FILIP1: variants seen among roughly 807,000 people sequenced by gnomAD.
FILIP1 encodes the protein filamin-A-interacting protein 1.
FILIP1 carries 61 observed loss-of-function variants against 102.1 expected under a neutral mutation model. The ratio of observed to expected loss-of-function variants is 0.60; its 90% confidence interval spans 0.49 to 0.74. The LOEUF is 0.74. FILIP1 is among the 30% of genes least tolerant of loss of function. The probability of loss-of-function intolerance (pLI) is 0.00; values close to 1 mark genes in which losing one functional copy is unlikely to be tolerated. For missense variants in FILIP1, 1,314 were observed against 1,441.2 expected, an observed-to-expected ratio of 0.91 and a Z score of 1.43; for synonymous variants, 491 against 526.9, an observed-to-expected ratio of 0.93 and a Z score of 0.93.
At chr6:75,343,192 A>T (rs1356670251) in intron 4 of FILIP1, among the ~76,000 whole-genome samples, 4 of 152,240 alleles carry the variant, frequency 2.6e-5, no homozygotes, top group Admixed American at 2.0e-4. Flanking sequence ...GAAGCCAGCC[A>T]TCTACAAGGC....
chr6:75,489,030 A>AT (rs535933995), intron 1 of FILIP1, among the ~76,000 whole-genome samples: 1 of 152,138 alleles, frequency 6.6e-6, no homozygotes, highest in Non-Finnish European at 1.5e-5. Context: ...AAAACAAATC[A>AT]TCTAAGGAGA....
rs368583947 is a variant in FILIP1 at position 75,357,150 on chromosome 6, TC to T, written c.451-3434del. ...ATGTGTGCAGCCCAGCCCTTTCATT[TC>T]TTATTTTTTACTCTGCCTGTCATAC... On this transcript the variant is annotated intron_variant, in intron 3 of 5. Transcript: ENST00000237172. 5.3e-5 allele frequency: 8 copies of T among 152,340 alleles called. No homozygotes were observed. In the East Asian group the frequency reaches 1.3e-3, roughly 26 times the overall value. 9.4% of individuals were successfully genotyped at this position (152,340 alleles called of 1,614,324 possible). A position where few individuals can be genotyped will look rare whatever the true frequency, so the allele number is the denominator to read the frequency against.
Position 75,314,504 on chromosome 6 carries a change from C to T in FILIP1, c.1328G>A (p.Ser443Asn), listed in dbSNP as rs41269319. Reference sequence around the variant, plus strand: ...CTGGGTGCACTCAGATTTACTCTTGCTAAATGCTTCTTCCAATTTCTCTAG... The same window carrying T: ...CTGGGTGCACTCAGATTTACTCTTGTTAAATGCTTCTTCCAATTTCTCTAG... ...SELEKLEEAF[S>N]KSKSECTQLH... is the part of the protein sequence containing the mutation. Residue 443 changes from serine (S) to asparagine (N), a missense_variant, in exon 5 of 6, where the codon AGC (serine) becomes AAC (asparagine). Ser to Asn is a conservative substitution (Grantham distance 46, BLOSUM62 1). This residue lies in a region of FILIP1 where 4 missense variants were observed against 16.9 expected (regional missense o/e 0.24). Coordinates refer to ENST00000237172, the MANE Select transcript of FILIP1 (RefSeq NM_015687.5). 2,176 of 1,611,524 alleles carry T rather than the reference C, an allele frequency of 1.4e-3. 4 individuals are homozygous for T. Among genetic ancestry groups the T allele is most frequent in the Middle Eastern group, 0.011 (69 of 6,046 alleles).
chr6:75,394,112 T>G (rs1776375564), intron 2 of FILIP1, among the ~76,000 whole-genome samples: 1 of 152,220 alleles, frequency 6.6e-6, no homozygotes, highest in African/African-American at 2.4e-5. Flanking sequence ...TTACCATCTC[T>G]GGTTACTTCA....
intron 1 of FILIP1, among the ~76,000 whole-genome samples, chr6:75,424,845 C>T (rs1415525638): frequency 6.6e-6 from 1 of 152,096 alleles, no homozygotes; most frequent in East Asian, 1.9e-4. Context: ...CACAGATCAC[C>T]CCATCTGTGT....
At chr6:75,348,486 T>C (rs1262854057) in intron 4 of FILIP1, among the ~76,000 whole-genome samples, 8 of 152,258 alleles carry the variant, frequency 5.3e-5, no homozygotes, top group Non-Finnish European at 1.5e-5. Context: ...CAATCAATGA[T>C]GGTAACAAAT....
intron 2 of FILIP1, among the ~76,000 whole-genome samples, chr6:75,380,533 A>T (rs910219009): frequency 2.0e-5 from 3 of 152,190 alleles, no homozygotes; most frequent in African/African-American, 7.2e-5. Context: ...TGTTGGGAAG[A>T]CATATGACTC....
intron 1 of FILIP1, among the ~76,000 whole-genome samples, chr6:75,437,161 C>A (rs138998218): frequency 2.9e-4 from 44 of 152,276 alleles, no homozygotes; most frequent in African/African-American, 1.0e-3. Context: ...ATTTGCTGTG[C>A]CCGATAAGGA....
intron 1 of FILIP1, among the ~76,000 whole-genome samples, chr6:75,482,518 T>C (rs1268426762): frequency 6.6e-6 from 1 of 152,192 alleles, no homozygotes; most frequent in Non-Finnish European, 1.5e-5. Flanking sequence ...TTGTCAATAG[T>C]TATGTCTATG....
At chr6:75,293,855 C>T (rs923156962) in exon 7 of FILIP1, 7 of 152,060 alleles carry the variant, frequency 4.6e-5, no homozygotes, top group African/African-American at 1.2e-4. Flanking sequence ...AAAAATATAA[C>T]AGTACTAACT....
At chr6:75,482,663 C>T (rs1779677736) in intron 1 of FILIP1, among the ~76,000 whole-genome samples, 2 of 152,164 alleles carry the variant, frequency 1.3e-5, no homozygotes, top group Non-Finnish European at 2.9e-5. Context: ...ACATTTAAAA[C>T]ATTTGTTTAT....
At chr6:75,430,839 T>A (rs75220250) in intron 1 of FILIP1, among the ~76,000 whole-genome samples, 3 of 152,216 alleles carry the variant, frequency 2.0e-5, no homozygotes, top group Non-Finnish European at 2.9e-5. Context: ...TCCCAGCAGA[T>A]GGTACTCCTG....
chr6:75,419,644 T>C (rs1582476753), intron 1 of FILIP1, among the ~76,000 whole-genome samples: 1 of 152,182 alleles, frequency 6.6e-6, no homozygotes, highest in East Asian at 1.9e-4. Flanking sequence ...CTCTTACACA[T>C]AAATGACAAT....
At chr6:75,345,758 C>T (rs1774559818) in intron 4 of FILIP1, among the ~76,000 whole-genome samples, 1 of 152,194 alleles carries the variant, frequency 6.6e-6, no homozygotes, top group Admixed American at 6.5e-5. Flanking sequence ...AGAGAGACAG[C>T]TGCTCTCCTC....
intron 1 of FILIP1, among the ~76,000 whole-genome samples, chr6:75,461,073 G>A (rs1329690693): frequency 1.3e-5 from 2 of 152,078 alleles, no homozygotes; most frequent in Non-Finnish European, 2.9e-5. Flanking sequence ...TATCAAATCT[G>A]ATTTGAAGGA....
intron 2 of FILIP1, among the ~76,000 whole-genome samples, chr6:75,378,059 A>G (rs2149636705): frequency 6.6e-6 from 1 of 152,324 alleles, no homozygotes; most frequent in East Asian, 1.9e-4. Flanking sequence ...GTCTTTCTTT[A>G]CATTATTTTC....
At chr6:75,476,618 C>G (rs1779481940) in intron 1 of FILIP1, among the ~76,000 whole-genome samples, 2 of 152,186 alleles carry the variant, frequency 1.3e-5, no homozygotes, top group African/African-American at 4.8e-5. Flanking sequence ...TTATAACTCT[C>G]CTTTTAAAGT....
intron 1 of FILIP1, among the ~76,000 whole-genome samples, chr6:75,441,996 A>G (rs1316720075): frequency 4.0e-5 from 6 of 148,940 alleles, no homozygotes; most frequent in Non-Finnish European, 7.4e-5. Context: ...CACTTCCCAG[A>G]CGGGGTGGCT....
chr6:75,406,728 C>T (rs191451588), intron 2 of FILIP1, among the ~76,000 whole-genome samples: 170 of 149,118 alleles, frequency 1.1e-3, no homozygotes, highest in African/African-American at 3.8e-3. Context: ...GGCGCAACCT[C>T]GGCTCACTGC....
Sources: allele counts gnomAD v4.1 joint callset (sites outside exome capture counted in the v4.1 genomes callset), GRCh38; gene constraint gnomAD v4.1.1; regional missense constraint gnomAD v4.1.1; transcripts MANE v1.5; gene names NCBI Gene and HGNC (gene_info 2026-07-23, HGNC 2026-07-21).